CYB5A: variants seen among roughly 807,000 people sequenced by gnomAD.
CYB5A encodes cytochrome b5 type A.
In CYB5A, 10 loss-of-function variants were observed where a neutral mutation model predicts 16.2. The observed-to-expected ratio is 0.62, with a 90% confidence interval of 0.38 to 1.04. The LOEUF is 1.04. Ranked by LOEUF, CYB5A falls within the 50% of genes least tolerant of loss-of-function variation. The pLI is 0.01. For synonymous variants in CYB5A, 62 were observed against 57.0 expected, an observed-to-expected ratio of 1.09 and a Z score of -0.40; for missense variants, 161 against 165.9, an observed-to-expected ratio of 0.97 and a Z score of 0.16.
chr18:74,269,545 T>C (rs1614856), intron 1 of CYB5A, among the ~76,000 whole-genome samples: 21,816 of 152,164 alleles, frequency 0.14, 1,658 homozygotes, highest in Admixed American at 0.2. Flanking sequence ...CCATAGCTAA[T>C]GCACACTCCA....
chr18:74,287,270 A>G lies in CYB5A; in HGVS notation c.129+4477T>C, dbSNP rs76861377. On this transcript the variant is annotated intron_variant, in intron 1 of 4. Coordinates refer to ENST00000340533, the MANE Select transcript of CYB5A (RefSeq NM_148923.4). ...TTAGTAGCATGAGATTCAGAATACT[A>G]TCAAATTTTCTTGCAAAAAGCAAAG... Among the ~76,000 whole-genome samples the G allele has an allele frequency of 0.016, 2,388 of 152,334 alleles. 111 individuals carry two copies. The East Asian group carries it at 0.18, about 12-fold the overall frequency.
At chr18:74,261,910 T>C (rs961258192) in intron 2 of CYB5A, among the ~76,000 whole-genome samples, 1 of 152,156 alleles carries the variant, frequency 6.6e-6, no homozygotes, top group Non-Finnish European at 1.5e-5. Flanking sequence ...TGTCCCCTTC[T>C]GGCGGGCTGC....
At chr18:74,281,995 G>A (rs1170727245) in intron 1 of CYB5A, among the ~76,000 whole-genome samples, 1 of 152,072 alleles carries the variant, frequency 6.6e-6, no homozygotes, top group African/African-American at 2.4e-5. Context: ...ACAGGTGGAG[G>A]CCCGGGCTCT....
intron 1 of CYB5A, among the ~76,000 whole-genome samples, chr18:74,278,107 T>G (rs921508946): frequency 1.3e-5 from 2 of 152,186 alleles, no homozygotes; most frequent in Admixed American, 6.5e-5. Context: ...CTAAAGCTCA[T>G]AAGCCCAAGA....
At chr18:74,288,786 G>A (rs556715334) in intron 1 of CYB5A, among the ~76,000 whole-genome samples, 1 of 152,156 alleles carries the variant, frequency 6.6e-6, no homozygotes, top group Admixed American at 6.5e-5. Context: ...AGGCTTTGCC[G>A]GGGGCTGGGA....
chr18:74,291,425 GCTCCCC>G, intron 1 of CYB5A, among the ~76,000 whole-genome samples: 1 of 14,066 alleles, frequency 7.1e-5, no homozygotes, highest in East Asian at 2.5e-3. Context: ...CTCAGGGAGC[GCTCCCC>G]AGGTGTGCAC....
intron 1 of CYB5A, among the ~76,000 whole-genome samples, chr18:74,265,766 G>A (rs1225037801): frequency 4.6e-5 from 7 of 152,200 alleles, no homozygotes; most frequent in East Asian, 1.9e-4. Flanking sequence ...ATCTCATGGC[G>A]AGAGAGGAGG....
chr18:74,281,743 C>CTCTGTGTGTGTGTGTGTG (rs1555690491), intron 1 of CYB5A, among the ~76,000 whole-genome samples: 1 of 138,746 alleles, frequency 7.2e-6, no homozygotes, highest in African/African-American at 2.9e-5. Context: ...TCAAGGGAGG[C>CTCTGTGTGTGTGTGTGTG]TGTGTGTGTG....
chr18:74,270,734 G>T (rs1006281852), intron 1 of CYB5A, among the ~76,000 whole-genome samples: 4 of 152,198 alleles, frequency 2.6e-5, no homozygotes, highest in African/African-American at 9.6e-5. Context: ...TCAGGAGGAT[G>T]CATATAGGTT....
chr18:74,289,401 C>G (rs1397179341), intron 1 of CYB5A, among the ~76,000 whole-genome samples: 1 of 152,122 alleles, frequency 6.6e-6, no homozygotes, highest in Non-Finnish European at 1.5e-5. Flanking sequence ...GCACAGTAAC[C>G]TTAGTAATTC....
chr18:74,255,632 C>T (rs1981945556), intron 4 of CYB5A, 109 bp downstream of exon 4: 5 of 900,630 alleles, frequency 5.6e-6, no homozygotes, highest in Non-Finnish European at 7.5e-6. Flanking sequence ...GTTGCTGAGA[C>T]AGCACAGTGT....
intron 1 of CYB5A, among the ~76,000 whole-genome samples, chr18:74,276,069 T>A (rs4892193): frequency 6.6e-6 from 1 of 151,956 alleles, no homozygotes; most frequent in Non-Finnish European, 1.5e-5. Context: ...CAGCCCACTA[T>A]CCTCCACCTC....
In CYB5A at chr18:74,271,816, C is replaced by T. The variant is rs73482446; in HGVS notation, c.130-8339G>A. On this transcript the variant is annotated intron_variant, in intron 1 of 4. Transcript: ENST00000340533. ...CAAACAAAACTACTCTGGCATAATACGCTACTGTCAACTGACTCATGCAAG... is the reference window on the plus strand; with the variant it reads ...CAAACAAAACTACTCTGGCATAATATGCTACTGTCAACTGACTCATGCAAG... Among the ~76,000 whole-genome samples, 894 of 152,280 alleles carry T rather than the reference C, an allele frequency of 5.9e-3. 9 individuals carry two copies. The highest frequency in any genetic ancestry group is 0.021 in the African/African-American group (853 of 41,550).
rs541581265 is a variant in CYB5A, at chr18:74,285,794, G to C, written c.129+5953C>G. Among the ~76,000 whole-genome samples, 5 of 148,452 alleles carry C rather than the reference G, an allele frequency of 3.4e-5. No individual in the cohort carries two copies. The East Asian group carries it at 1.0e-3, about 30-fold the overall frequency. On this transcript the variant is annotated intron_variant, in intron 1 of 4. Coordinates refer to ENST00000340533, the MANE Select transcript of CYB5A (RefSeq NM_148923.4). ...TTGAGCCCAGGAGGTCAAGGCTGCAGTGAGCTGAGATCACACCACGGCCTG... is the reference window on the plus strand; with the variant it reads ...TTGAGCCCAGGAGGTCAAGGCTGCACTGAGCTGAGATCACACCACGGCCTG...
rs150643333 is a variant in CYB5A, at chr18:74,253,272, C to T, written c.*312G>A. On this transcript the variant is annotated 3_prime_UTR_variant, in exon 5 of 5. Coordinates refer to ENST00000340533, the MANE Select transcript of CYB5A (RefSeq NM_148923.4). ...ATTCTAAACATTAAAGACAATTATA[C>T]ACCAAACAGGCAAACACGGTGCATA... The T allele has an allele frequency of 8.7e-6, 3 of 343,984 alleles. No individual in the cohort carries two copies. The highest frequency in any genetic ancestry group is 1.7e-5 in the Non-Finnish European group (3 of 177,418). The allele number at this position is 343,984 out of a possible 1,614,324, so 21.3% of individuals were successfully genotyped here. A position where few individuals can be genotyped will look rare whatever the true frequency, so the allele number is the denominator to read the frequency against.
rs536761940 is a variant in CYB5A, at chr18:74,277,508, T to C, written c.130-14031A>G. Among the ~76,000 whole-genome samples the C allele has an allele frequency of 5.9e-4, 90 of 152,216 alleles. 4 individuals carry two copies. Among genetic ancestry groups the C allele is most frequent in the Non-Finnish European group, 3.7e-4 (25 of 68,040 alleles). On this transcript the variant is annotated intron_variant, in intron 1 of 4. Coordinates refer to ENST00000340533, the MANE Select transcript of CYB5A (RefSeq NM_148923.4). The stretch of plus-strand genomic sequence containing the variant: ...CAAACATCTGATGAATGCCAAGCCA[T>C]GCTCTGTTGCTACCAAAATGGCAAA...
intron 1 of CYB5A, among the ~76,000 whole-genome samples, chr18:74,273,244 G>A (rs56410522): frequency 0.05 from 7,607 of 152,254 alleles, 504 homozygotes; most frequent in East Asian, 0.18. Context: ...ACTGACTGGA[G>A]GGTAAGGTCA....
chr18:74,254,023 A>G (rs1202034545), intron 4 of CYB5A, among the ~76,000 whole-genome samples: 1 of 152,152 alleles, frequency 6.6e-6, no homozygotes, highest in African/African-American at 2.4e-5. Context: ...CAAAAAATAC[A>G]AAAAGTAGCT....
chr18:74,263,244 G>T, intron 2 of CYB5A, 105 bp downstream of exon 2: 5 of 1,443,330 alleles, frequency 3.5e-6, no homozygotes, highest in Non-Finnish European at 3.9e-6. Context: ...AGTTGTTTTT[G>T]CTTTACTCCT....
Sources: allele counts gnomAD v4.1 joint callset (sites outside exome capture counted in the v4.1 genomes callset), GRCh38; gene constraint gnomAD v4.1.1; transcripts MANE v1.5; gene names NCBI Gene and HGNC (gene_info 2026-07-23, HGNC 2026-07-21).